Variants in CCDC102B observed in about 807,000 individuals in gnomAD.
CCDC102B encodes coiled-coil domain-containing protein 102B.
In CCDC102B, 75 loss-of-function variants were observed where a neutral mutation model predicts 57.4. The ratio of observed to expected loss-of-function variants is 1.31; its 90% CI spans 1.08 to 1.58. The LOEUF (loss-of-function observed/expected upper bound fraction) is 1.58. CCDC102B is among the 40% of genes most tolerant of loss of function. The pLI is 0.00. For synonymous variants in CCDC102B, 206 were observed against 201.9 expected (o/e 1.02, Z -0.17); for missense variants, 636 against 582.6 (o/e 1.09, Z -0.94).
intron 2 of CCDC102B, among the ~76,000 whole-genome samples, chr18:68,765,324 G>GA (rs2034407001): frequency 1.7e-5 from 1 of 60,332 alleles, no homozygotes; most frequent in African/African-American, 5.9e-5. Context: ...AAGGAAGGAA[G>GA]GAAAGAAAGA....
intron 1 of CCDC102B, among the ~76,000 whole-genome samples, chr18:68,804,530 G>C (rs896136544): frequency 9.2e-5 from 14 of 152,126 alleles, no homozygotes; most frequent in Non-Finnish European, 7.4e-5. Context: ...TGCAGTCAGA[G>C]GTGTGAAGCT....
At chr18:69,006,388 T>A (rs2051342737) in intron 6 of CCDC102B, among the ~76,000 whole-genome samples, 1 of 141,880 alleles carries the variant, frequency 7.0e-6, no homozygotes, top group Non-Finnish European at 1.5e-5. Flanking sequence ...GGCCATAGCT[T>A]TGAGATTTAT....
chr18:69,026,739 A>G, intron 7 of CCDC102B, among the ~76,000 whole-genome samples: 1 of 152,212 alleles, frequency 6.6e-6, no homozygotes, highest in Admixed American at 6.5e-5. Flanking sequence ...TGTGGACCCA[A>G]ACAATTATGC....
At chr18:68,786,002 T>C (rs1400028262) in intron 2 of CCDC102B, among the ~76,000 whole-genome samples, 1 of 151,972 alleles carries the variant, frequency 6.6e-6, no homozygotes, top group Non-Finnish European at 1.5e-5. Context: ...AATTGATTTT[T>C]GTATAAGGTG....
intron 6 of CCDC102B, among the ~76,000 whole-genome samples, chr18:68,992,327 T>C (rs1299234079): frequency 6.6e-6 from 1 of 152,164 alleles, no homozygotes; most frequent in Admixed American, 6.5e-5. Flanking sequence ...AGGAAATGCA[T>C]TGACATTGAG....
At chr18:69,051,665 G>A (rs1266405633) in intron 7 of CCDC102B, among the ~76,000 whole-genome samples, 1 of 151,710 alleles carries the variant, frequency 6.6e-6, no homozygotes, top group African/African-American at 2.4e-5. Flanking sequence ...ACAATGTGCA[G>A]GATCAAATAA....
chr18:68,930,473 G>T (rs2041630889), intron 6 of CCDC102B, among the ~76,000 whole-genome samples: 1 of 151,876 alleles, frequency 6.6e-6, no homozygotes, highest in Admixed American at 6.6e-5. Context: ...TAATGATGAT[G>T]TGTGGATGGA....
intron 7 of CCDC102B, among the ~76,000 whole-genome samples, chr18:69,044,968 T>G (rs137871542): frequency 2.0e-5 from 3 of 152,120 alleles, no homozygotes; most frequent in Non-Finnish European, 4.4e-5. Flanking sequence ...CTTTTCTTGG[T>G]TTGCAGATGG....
chr18:68,972,881 A>G (rs957149361), intron 6 of CCDC102B, among the ~76,000 whole-genome samples: 1 of 152,174 alleles, frequency 6.6e-6, no homozygotes, highest in Non-Finnish European at 1.5e-5. Context: ...TAAAGGTTAT[A>G]GATGACTTCT....
intron 1 of CCDC102B, among the ~76,000 whole-genome samples, chr18:68,808,539 G>A (rs1490535747): frequency 1.4e-5 from 2 of 142,426 alleles, no homozygotes; most frequent in Non-Finnish European, 1.5e-5. Context: ...CTGCAGTGGC[G>A]CTATCTCCGC....
chr18:69,055,943 C>A (rs140935169), downstream of CCDC102B, among the ~76,000 whole-genome samples: 454 of 152,210 alleles, frequency 3.0e-3, 2 homozygotes, highest in African/African-American at 9.7e-3. Context: ...TTGTGATAGA[C>A]CAATGAGACA....
At chr18:68,962,802 G>A (rs1026207744) in intron 6 of CCDC102B, among the ~76,000 whole-genome samples, 1 of 151,922 alleles carries the variant, frequency 6.6e-6, no homozygotes, top group Non-Finnish European at 1.5e-5. Flanking sequence ...TCAGGCCTAT[G>A]TACTGTGGAA....
intron 7 of CCDC102B, among the ~76,000 whole-genome samples, chr18:69,021,841 G>C (rs185348892): frequency 2.6e-5 from 4 of 152,242 alleles, no homozygotes; most frequent in African/African-American, 9.6e-5. Flanking sequence ...CAGCAACCCA[G>C]TTGCAATTTA....
intron 7 of CCDC102B, among the ~76,000 whole-genome samples, chr18:69,014,974 A>AGTGTGTGTGT (rs1189382089): frequency 5.1e-5 from 6 of 116,710 alleles, no homozygotes; most frequent in East Asian, 3.5e-4. Flanking sequence ...AGAGAGAGAG[A>AGTGTGTGTGT]GAGAGTGTGT....
At chr18:68,899,337 A>T (rs765173823) in intron 6 of CCDC102B, among the ~76,000 whole-genome samples, 2 of 152,096 alleles carry the variant, frequency 1.3e-5, no homozygotes, top group African/African-American at 4.8e-5. Flanking sequence ...AGATTTTATC[A>T]TAACACAAAA....
chr18:68,758,828 A>G (rs1260414716), intron 2 of CCDC102B, among the ~76,000 whole-genome samples: 2 of 151,800 alleles, frequency 1.3e-5, no homozygotes, highest in Non-Finnish European at 2.9e-5. Context: ...GTGTTTCCTT[A>G]TATGCCAAAT....
chr18:68,829,005 A>G (rs775361582), intron 1 of CCDC102B, among the ~76,000 whole-genome samples: 1 of 151,774 alleles, frequency 6.6e-6, no homozygotes, highest in Non-Finnish European at 1.5e-5. Flanking sequence ...TAGCTTTCTT[A>G]TGTCTGGTCT....
At chr18:68,861,296 TG>T (rs1449217494) in intron 4 of CCDC102B, among the ~76,000 whole-genome samples, 7 of 76,376 alleles carry the variant, frequency 9.2e-5, no homozygotes, top group African/African-American at 3.1e-4. Flanking sequence ...GCAGTTTAAA[TG>T]TTTTTTTTTT....
chr18:68,765,519 AAGAAAT>A (rs1025114113), intron 2 of CCDC102B, among the ~76,000 whole-genome samples: 4 of 151,960 alleles, frequency 2.6e-5, no homozygotes, highest in African/African-American at 9.7e-5. Context: ...AAGAAAGAGA[AAGAAAT>A]AGAAAGAGAA....
Sources: gnomAD v4.1 joint callset for allele counts (sites outside exome capture counted in the v4.1 genomes callset) on GRCh38, gnomAD v4.1.1 for gene constraint, MANE v1.5 for transcripts, NCBI Gene and HGNC (gene_info 2026-07-23, HGNC 2026-07-21) for gene names.